Variants in ADAMTS12 observed in about 807,000 individuals in gnomAD.
ADAMTS12 encodes the protein ADAM metallopeptidase with thrombospondin type 1 motif 12.
ADAMTS12 carries 118 observed loss-of-function variants against 167.8 expected under a neutral mutation model. That is an observed-to-expected ratio of 0.70 (90% CI 0.61 to 0.82). The LOEUF is 0.82. Ranked by LOEUF, ADAMTS12 falls within the 40% of genes least tolerant of loss-of-function variation. The probability of loss-of-function intolerance (pLI) is 0.00; values close to 1 mark genes in which losing one functional copy is unlikely to be tolerated. For synonymous variants in ADAMTS12, 704 were observed against 716.9 expected (o/e 0.98, Z 0.29); for missense variants, 1,916 against 1,998.8 (o/e 0.96, Z 0.79).
intron 9 of ADAMTS12, among the ~76,000 whole-genome samples, chr5:33,645,143 A>ATTT (rs1312868117): frequency 8.3e-4 from 104 of 124,804 alleles, no homozygotes; most frequent in African/African-American, 3.2e-3. Flanking sequence ...CAAATGCTTT[A>ATTT]TTTATTATTA....
At chr5:33,824,624 G>C (rs1221849546) in intron 2 of ADAMTS12, among the ~76,000 whole-genome samples, 1 of 152,188 alleles carries the variant, frequency 6.6e-6, no homozygotes, top group Non-Finnish European at 1.5e-5. Context: ...GAGAAGAGGA[G>C]CCTGTCAGCT....
intron 16 of ADAMTS12, among the ~76,000 whole-genome samples, chr5:33,606,904 T>C (rs949995877): frequency 1.3e-5 from 2 of 152,192 alleles, no homozygotes; most frequent in Non-Finnish European, 2.9e-5. Context: ...AATACATGTA[T>C]GAATTTATAC....
chr5:33,874,451 A>G (rs1750153259), intron 2 of ADAMTS12, among the ~76,000 whole-genome samples: 2 of 152,222 alleles, frequency 1.3e-5, no homozygotes, highest in Non-Finnish European at 2.9e-5. Context: ...AAAGATATGG[A>G]GCAATAGGAA....
chr5:33,632,371 C>G (rs894077516), intron 12 of ADAMTS12, among the ~76,000 whole-genome samples: 1 of 112,994 alleles, frequency 8.9e-6, no homozygotes, highest in Non-Finnish European at 2.1e-5. Context: ...AGGTAACAAA[C>G]AAGCACATGT....
At position 33,881,380 on chromosome 5, in the gene ADAMTS12, C is replaced by T. The variant is rs16891863; in HGVS notation, c.228G>A (p.Thr76=). The change falls in exon 2 of 24, where the codon ACG becomes ACA. Residue 76 remains threonine, a synonymous_variant. Coordinates refer to ENST00000504830, the MANE Select transcript of ADAMTS12 (RefSeq NM_030955.4). ...CCAAATCTCTCTTCCTCCTGCTGCT[C>T]GTGATGGGATAGTGCAAGCCATATG... ...FLSYGLHYPI[T]SSRRKRDLDG... 6,389 of 1,614,092 alleles carry T rather than the reference C, an allele frequency of 4.0e-3. 230 individuals carry two copies. The African/African-American group carries it at 0.076, about 19-fold the overall frequency.
At chr5:33,574,978 C>A (rs953655656) in intron 19 of ADAMTS12, among the ~76,000 whole-genome samples, 1 of 152,082 alleles carries the variant, frequency 6.6e-6, no homozygotes, top group Non-Finnish European at 1.5e-5. Context: ...TTGTATACTG[C>A]ATATTCAGAT....
chr5:33,527,616 C>T (rs547255920), intron 23 of ADAMTS12, among the ~76,000 whole-genome samples: 1 of 152,300 alleles, frequency 6.6e-6, no homozygotes, highest in South Asian at 2.1e-4. Context: ...TCCCTCCTTG[C>T]CATGGCTGCC....
chr5:33,621,878 T>C (rs9791008), intron 14 of ADAMTS12, among the ~76,000 whole-genome samples: 17,905 of 152,186 alleles, frequency 0.12, 1,375 homozygotes, highest in East Asian at 0.3. Flanking sequence ...CAGTACCTGG[T>C]ATATGTTTTG....
At chr5:33,885,080 A>G (rs536890463) in intron 1 of ADAMTS12, among the ~76,000 whole-genome samples, 13 of 152,340 alleles carry the variant, frequency 8.5e-5, no homozygotes, top group African/African-American at 2.6e-4. Context: ...CTATAATAAA[A>G]TTTAGGTTGT....
intron 2 of ADAMTS12, among the ~76,000 whole-genome samples, chr5:33,753,831 A>G (rs1331365690): frequency 6.6e-6 from 1 of 152,152 alleles, no homozygotes; most frequent in Non-Finnish European, 1.5e-5. Context: ...GCGGAAAATC[A>G]CCTATTCAAC....
At chr5:33,617,742 T>C (rs3924007) in intron 14 of ADAMTS12, among the ~76,000 whole-genome samples, 15,075 of 152,058 alleles carry the variant, frequency 0.099, 1,203 homozygotes, top group East Asian at 0.37. Flanking sequence ...TGGTATGAAA[T>C]ACTGTGTCTA....
intron 19 of ADAMTS12, among the ~76,000 whole-genome samples, chr5:33,568,867 TG>T (rs2111922888): frequency 1.3e-5 from 2 of 152,358 alleles, no homozygotes; most frequent in Admixed American, 1.3e-4. Flanking sequence ...AGATGGCACC[TG>T]GAAAATCAGG....
At chr5:33,794,767 C>T (rs1156409806) in intron 2 of ADAMTS12, among the ~76,000 whole-genome samples, 1 of 152,156 alleles carries the variant, frequency 6.6e-6, no homozygotes, top group Non-Finnish European at 1.5e-5. Flanking sequence ...TGAGTATCTT[C>T]CTCTATCTGC....
chr5:33,817,468 G>T (rs1234528064), intron 2 of ADAMTS12, among the ~76,000 whole-genome samples: 1 of 151,996 alleles, frequency 6.6e-6, no homozygotes, highest in Non-Finnish European at 1.5e-5. Flanking sequence ...CATCCTAATA[G>T]GAGTTCTTTA....
At chr5:33,782,054 A>C (rs1449803832) in intron 2 of ADAMTS12, among the ~76,000 whole-genome samples, 1 of 152,010 alleles carries the variant, frequency 6.6e-6, no homozygotes, top group Non-Finnish European at 1.5e-5. Context: ...TCTCTGCTTG[A>C]GTACACAGCA....
At chr5:33,536,987 C>G (rs1744447413) in intron 22 of ADAMTS12, among the ~76,000 whole-genome samples, 1 of 152,210 alleles carries the variant, frequency 6.6e-6, no homozygotes, top group African/African-American at 2.4e-5. Context: ...ATCCAGGCAG[C>G]TGGGGCAAGG....
intron 3 of ADAMTS12, among the ~76,000 whole-genome samples, chr5:33,687,417 G>T (rs1247074348): frequency 6.6e-6 from 1 of 152,174 alleles, no homozygotes; most frequent in Non-Finnish European, 1.5e-5. Context: ...CATAGTAAAT[G>T]ACAGATTCAG....
chr5:33,757,493 G>A (rs1745207073), intron 2 of ADAMTS12, among the ~76,000 whole-genome samples: 1 of 152,124 alleles, frequency 6.6e-6, no homozygotes, highest in Non-Finnish European at 1.5e-5. Context: ...AGAGGGAGTT[G>A]TACCCTGAGA....
At chr5:33,602,330 A>G (rs1201150553) in intron 16 of ADAMTS12, among the ~76,000 whole-genome samples, 1 of 152,232 alleles carries the variant, frequency 6.6e-6, no homozygotes, top group Non-Finnish European at 1.5e-5. Flanking sequence ...AAAGGTTATC[A>G]GACCTCCACT....
Sources: gnomAD v4.1 joint callset for allele counts (sites outside exome capture counted in the v4.1 genomes callset) on GRCh38, gnomAD v4.1.1 for gene constraint, MANE v1.5 for transcripts, NCBI Gene and HGNC (gene_info 2026-07-23, HGNC 2026-07-21) for gene names.